The following ULK4 variants were observed in gnomAD, a reference collection of about 807,000 sequenced individuals.
The protein encoded by ULK4 is unc-51 like kinase 4, also known as inactive serine/threonine-protein kinase ULK4.
ULK4 carries 133 observed loss-of-function variants against 160.6 expected under a neutral mutation model. The observed-to-expected ratio is 0.83, with a 90% CI of 0.72 to 0.96. ULK4 has a LOEUF of 0.96. Among genes scored for constraint, ULK4 ranks in the 40% least tolerant of loss-of-function variants. The pLI, the probability that ULK4 is intolerant of heterozygous loss-of-function variation, is 0.00. For synonymous variants in ULK4, 534 were observed against 539.8 expected, an observed-to-expected ratio of 0.99 and a Z score of 0.15; for missense variants, 1,580 against 1,499.5, an observed-to-expected ratio of 1.05 and a Z score of -0.89.
intron 32 of ULK4, among the ~76,000 whole-genome samples, chr3:41,463,657 A>T (rs956526635): frequency 6.6e-6 from 1 of 152,198 alleles, no homozygotes; most frequent in Non-Finnish European, 1.5e-5. Flanking sequence ...GGTCTGCTCT[A>T]TCTAGCAACT....
chr3:41,595,541 T>C (rs560651957), intron 31 of ULK4, among the ~76,000 whole-genome samples: 1 of 152,248 alleles, frequency 6.6e-6, no homozygotes, highest in Admixed American at 6.5e-5. Context: ...AGACAGAGCT[T>C]TGGGGTCCTC....
intron 35 of ULK4, among the ~76,000 whole-genome samples, chr3:41,296,855 G>C (rs73083826): frequency 6.6e-6 from 1 of 151,862 alleles, no homozygotes; most frequent in Non-Finnish European, 1.5e-5. Flanking sequence ...GAGGGAAGAA[G>C]AAACAAGTGA....
chr3:41,830,857 A>C (rs1269190801), intron 18 of ULK4, among the ~76,000 whole-genome samples: 1 of 152,086 alleles, frequency 6.6e-6, no homozygotes, highest in East Asian at 1.9e-4. Context: ...AAACTTGTTA[A>C]GTTTGAGCCT....
intron 17 of ULK4, among the ~76,000 whole-genome samples, chr3:41,881,310 A>G (rs912325961): frequency 7.4e-6 from 1 of 135,372 alleles, no homozygotes; most frequent in African/African-American, 2.7e-5. Context: ...AAAAAAAAAA[A>G]CAGGAAAAAG....
At chr3:41,395,499 T>A (rs909848873) in intron 35 of ULK4, among the ~76,000 whole-genome samples, 2 of 152,106 alleles carry the variant, frequency 1.3e-5, no homozygotes, top group Non-Finnish European at 2.9e-5. Context: ...TGAAGCCACA[T>A]ACCAAGTGAA....
intron 22 of ULK4, among the ~76,000 whole-genome samples, chr3:41,744,424 G>A (rs756511592): frequency 1.3e-5 from 2 of 151,914 alleles, no homozygotes; most frequent in African/African-American, 4.8e-5. Context: ...ATCAAATGAA[G>A]TAAACTTCAG....
At chr3:41,922,991 G>A (rs984641017) in intron 5 of ULK4, among the ~76,000 whole-genome samples, 3 of 151,848 alleles carry the variant, frequency 2.0e-5, no homozygotes, top group Admixed American at 6.6e-5. Flanking sequence ...GGCCAACATA[G>A]TGAAACCCCG....
At chr3:41,563,275 C>A (rs1010917499) in intron 32 of ULK4, among the ~76,000 whole-genome samples, 13 of 152,208 alleles carry the variant, frequency 8.5e-5, no homozygotes, top group Non-Finnish European at 1.0e-4. Context: ...ACCTTTCTCT[C>A]TGGCTGCCCT....
At chr3:41,338,554 G>A (rs1327754955) in intron 35 of ULK4, among the ~76,000 whole-genome samples, 1 of 151,944 alleles carries the variant, frequency 6.6e-6, no homozygotes, top group Non-Finnish European at 1.5e-5. Context: ...GTGAGGTGAT[G>A]GAATAAAAGC....
At chr3:41,686,110 A>T (rs2036093840) in intron 27 of ULK4, among the ~76,000 whole-genome samples, 2 of 152,186 alleles carry the variant, frequency 1.3e-5, no homozygotes, top group South Asian at 4.1e-4. Context: ...CCAACGTGTA[A>T]ACAGCTTGGA....
chr3:41,612,191 G>C (rs577966712), intron 31 of ULK4, among the ~76,000 whole-genome samples: 9 of 152,194 alleles, frequency 5.9e-5, no homozygotes, highest in Admixed American at 3.9e-4. Context: ...GTGGTTTCTA[G>C]AATCAATCCC....
chr3:41,318,106 C>A (rs566563172), intron 35 of ULK4, among the ~76,000 whole-genome samples: 87 of 151,034 alleles, frequency 5.8e-4, no homozygotes, highest in Non-Finnish European at 1.1e-3. Flanking sequence ...TATCTTATCT[C>A]TTGAGAAAAT....
chr3:41,927,611 G>C (rs1050356474), intron 5 of ULK4, among the ~76,000 whole-genome samples: 1 of 149,794 alleles, frequency 6.7e-6, no homozygotes, highest in African/African-American at 2.5e-5. Context: ...CCCATCTCAC[G>C]TGCAGAGACA....
rs572575176 is a variant in ULK4, at chr3:41,705,406, AT to A, written c.2635-102del. 1.4e-4 allele frequency: 110 copies of A among 776,100 alleles called. No individual in the cohort carries two copies. In the African/African-American group the frequency reaches 1.7e-3, roughly 12 times the overall value. The allele number at this position is 776,100 out of a possible 1,614,324, so 48.1% of individuals were successfully genotyped here. ...CCCAAAACTGTACCTATTGTTTTTAATAACTCATAGACAGTATTAAATACTC... is the reference window on the plus strand; with the variant it reads ...CCCAAAACTGTACCTATTGTTTTTAAAACTCATAGACAGTATTAAATACTC... On this transcript the variant is annotated intron_variant, in intron 25 of 36. Coordinates refer to ENST00000301831, the MANE Select transcript of ULK4 (RefSeq NM_017886.4).
At chr3:41,864,913 C>A (rs2125687770) in intron 17 of ULK4, among the ~76,000 whole-genome samples, 1 of 152,120 alleles carries the variant, frequency 6.6e-6, no homozygotes, top group Admixed American at 6.5e-5. Flanking sequence ...CAGATTCCCC[C>A]CAGGATTAAT....
At chr3:41,414,530 C>G (rs2082482395) in intron 34 of ULK4, among the ~76,000 whole-genome samples, 1 of 151,952 alleles carries the variant, frequency 6.6e-6, no homozygotes, top group South Asian at 2.1e-4. Context: ...AGTGCTTTGT[C>G]AAAAAGTATA....
chr3:41,821,908 T>C (rs936903793), intron 18 of ULK4, among the ~76,000 whole-genome samples: 1 of 151,506 alleles, frequency 6.6e-6, no homozygotes, highest in East Asian at 2.0e-4. Flanking sequence ...CAGATCCCTC[T>C]TAGTCCTTTA....
chr3:41,842,199 AG>A (rs200977876), intron 17 of ULK4, among the ~76,000 whole-genome samples: 14,302 of 129,742 alleles, frequency 0.11, 1,045 homozygotes, highest in Middle Eastern at 0.21. Context: ...ATAAAAAAAA[AG>A]AAGACTAAGG....
chr3:41,848,503 C>T (rs6791806), intron 17 of ULK4, among the ~76,000 whole-genome samples: 47,909 of 152,072 alleles, frequency 0.32, 11,102 homozygotes, highest in African/African-American at 0.66. Context: ...CATTCTGCCC[C>T]TCAAATACAA....
Sources: gnomAD v4.1 joint callset for allele counts (sites outside exome capture counted in the v4.1 genomes callset) on GRCh38, gnomAD v4.1.1 for gene constraint, MANE v1.5 for transcripts, NCBI Gene and HGNC (gene_info 2026-07-23, HGNC 2026-07-21) for gene names.